Variants in DYM observed in about 807,000 individuals in gnomAD.
The protein encoded by DYM is dyggve-Melchior-Clausen syndrome protein.
A neutral mutation model predicts 93.1 loss-of-function variants in DYM; 78 were observed. The ratio of observed to expected loss-of-function variants is 0.84; its 90% confidence interval spans 0.70 to 1.01. The LOEUF is 1.01. Ranked by LOEUF, DYM falls within the 50% of genes least tolerant of loss-of-function variation. The pLI is 0.00. For missense variants in DYM, 789 were observed against 845.0 expected, an observed-to-expected ratio of 0.93 and a Z score of 0.82; for synonymous variants, 321 against 319.7, an observed-to-expected ratio of 1.00 and a Z score of -0.04.
intron 14 of DYM, among the ~76,000 whole-genome samples, chr18:49,187,511 A>G (rs2090563275): frequency 6.6e-6 from 1 of 152,242 alleles, no homozygotes; most frequent in Non-Finnish European, 1.5e-5. Context: ...TACATTAAAC[A>G]AGACAATTAA....
At chr18:49,182,205 T>G (rs913832446) in intron 14 of DYM, among the ~76,000 whole-genome samples, 1 of 152,164 alleles carries the variant, frequency 6.6e-6, no homozygotes, top group Non-Finnish European at 1.5e-5. Flanking sequence ...TACTGAGACT[T>G]GTTTGATGGC....
At chr18:49,290,252 G>A (rs1028758319) in intron 8 of DYM, among the ~76,000 whole-genome samples, 2 of 151,860 alleles carry the variant, frequency 1.3e-5, no homozygotes, top group African/African-American at 2.4e-5. Flanking sequence ...GGATGTAGAT[G>A]TCTATGTACC....
chr18:49,145,235 G>A (rs75218327), intron 15 of DYM, among the ~76,000 whole-genome samples: 19,327 of 148,380 alleles, frequency 0.13, 1,682 homozygotes, highest in East Asian at 0.22. Flanking sequence ...CATTACACCC[G>A]TCTTGAAGTA....
chr18:49,233,403 GA>G (rs1051792774), intron 13 of DYM, among the ~76,000 whole-genome samples: 14 of 147,688 alleles, frequency 9.5e-5, no homozygotes, highest in East Asian at 4.3e-4. Context: ...ACAGTCAGAT[GA>G]AAAAAAAAGC....
At chr18:49,421,441 C>A (rs1164225617) in intron 2 of DYM, among the ~76,000 whole-genome samples, 2 of 152,160 alleles carry the variant, frequency 1.3e-5, no homozygotes, top group Non-Finnish European at 2.9e-5. Flanking sequence ...AGGGTCCTGA[C>A]TGTTAGAAGG....
intron 6 of DYM, among the ~76,000 whole-genome samples, chr18:49,361,441 T>A (rs542775342): frequency 6.6e-6 from 1 of 152,370 alleles, no homozygotes; most frequent in South Asian, 2.1e-4. Context: ...CCATGTAGAC[T>A]GAGATTCTGT....
At chr18:49,439,797 T>A (rs899037583) in intron 1 of DYM, among the ~76,000 whole-genome samples, 3 of 152,032 alleles carry the variant, frequency 2.0e-5, no homozygotes, top group Admixed American at 2.0e-4. Flanking sequence ...AGAAGCTGAG[T>A]TCAAGACCAG....
intron 14 of DYM, among the ~76,000 whole-genome samples, chr18:49,203,768 T>A (rs1348799315): frequency 7.2e-6 from 1 of 138,418 alleles, no homozygotes; most frequent in South Asian, 2.5e-4. Flanking sequence ...TGTTCACTTG[T>A]TTATCTGCTG....
intron 2 of DYM, among the ~76,000 whole-genome samples, chr18:49,396,379 C>G (rs1421025359): frequency 6.6e-6 from 1 of 152,080 alleles, no homozygotes; most frequent in Non-Finnish European, 1.5e-5. Flanking sequence ...ATGCTTGAGA[C>G]CAGGAGCATT....
At chr18:49,218,152 G>C (rs571744741) in intron 13 of DYM, among the ~76,000 whole-genome samples, 74 of 152,224 alleles carry the variant, frequency 4.9e-4, no homozygotes, top group Non-Finnish European at 7.2e-4. Context: ...TCAAAAGAGA[G>C]AAAGAAGGCC....
intron 11 of DYM, among the ~76,000 whole-genome samples, chr18:49,267,189 A>G (rs2094584024): frequency 7.4e-6 from 1 of 134,406 alleles, no homozygotes; most frequent in African/African-American, 2.5e-5. Flanking sequence ...AGACATTAAA[A>G]GGTAACTTTT....
At chr18:49,192,374 CTA>C (rs1394618881) in intron 14 of DYM, among the ~76,000 whole-genome samples, 1 of 152,034 alleles carries the variant, frequency 6.6e-6, no homozygotes, top group Non-Finnish European at 1.5e-5. Context: ...AGCTTTTCTC[CTA>C]TGTTTTCTTC....
intron 13 of DYM, among the ~76,000 whole-genome samples, chr18:49,225,227 C>T (rs2144220113): frequency 6.6e-6 from 1 of 152,210 alleles, no homozygotes; most frequent in East Asian, 1.9e-4. Context: ...TGCGTGCACA[C>T]ACACAATTTT....
intron 14 of DYM, among the ~76,000 whole-genome samples, chr18:49,202,573 C>T (rs1315360515): frequency 1.6e-3 from 196 of 126,186 alleles, no homozygotes; most frequent in East Asian, 4.5e-3. Context: ...GCCGCCATCA[C>T]ATCTAGGAAG....
Position 49,044,145 on chromosome 18 carries a change from G to T in DYM, c.2085C>A (p.Ile695=). 2 of 1,614,118 alleles carry T rather than the reference G, an allele frequency of 1.2e-6. No homozygotes were observed. The highest frequency in any genetic ancestry group is 1.7e-6 in the Non-Finnish European group (2 of 1,180,000). The change falls in exon 18 of 18, where the codon ATC becomes ATA. Residue 695 remains isoleucine (I), a synonymous_variant. Coordinates refer to ENST00000675505, the MANE Select transcript of DYM (RefSeq NM_001353214.3). Reference sequence around the variant, plus strand: ...TGTAGACAAGAGACCAGACATAGGGGATAAAAAACTCCTCGGGCTGCTCCT... The same window carrying T: ...TGTAGACAAGAGACCAGACATAGGGTATAAAAAACTCCTCGGGCTGCTCCT... The part of the protein sequence containing the change: ...VEEEQPEEFF[I]PYVWSLVYNS...
chr18:49,299,342 A>G (rs138276026), intron 8 of DYM, among the ~76,000 whole-genome samples: 142 of 152,338 alleles, frequency 9.3e-4, no homozygotes, highest in Non-Finnish European at 1.6e-3. Context: ...AGTTGTACTC[A>G]TATAAGACAA....
intron 3 of DYM, among the ~76,000 whole-genome samples, chr18:49,391,076 C>T (rs2069196938): frequency 6.6e-6 from 1 of 152,110 alleles, no homozygotes; most frequent in African/African-American, 2.4e-5. Context: ...TTTCATATTA[C>T]CTAATTTTTC....
chr18:49,299,599 C>T (rs542799118), intron 8 of DYM, among the ~76,000 whole-genome samples: 67 of 152,244 alleles, frequency 4.4e-4, no homozygotes, highest in African/African-American at 1.6e-3. Context: ...CTGTGGGTTC[C>T]CTGAGAGAGG....
chr18:49,232,329 A>G (rs2093720754), intron 13 of DYM, among the ~76,000 whole-genome samples: 2 of 150,706 alleles, frequency 1.3e-5, no homozygotes, highest in South Asian at 4.2e-4. Flanking sequence ...CTTTTTGAGA[A>G]GGGGTCTCAC....
Sources: gnomAD v4.1 joint callset for allele counts (sites outside exome capture counted in the v4.1 genomes callset) on GRCh38, gnomAD v4.1.1 for gene constraint, MANE v1.5 for transcripts, NCBI Gene and HGNC (gene_info 2026-07-23, HGNC 2026-07-21) for gene names.